The following DSCAM variants were observed in gnomAD, a reference collection of about 807,000 sequenced individuals.
DSCAM encodes the protein DS cell adhesion molecule, also known as cell adhesion molecule DSCAM.
DSCAM carries 47 observed loss-of-function variants against 217.7 expected under a neutral mutation model. That is an observed-to-expected ratio of 0.22 (90% confidence interval 0.17 to 0.28). The LOEUF is 0.28. Among genes scored for constraint, DSCAM ranks in the 10% least tolerant of loss-of-function variants. DSCAM has a pLI of 1.00. For missense variants in DSCAM, 2,080 were observed against 2,618.3 expected (o/e 0.79, Z 4.49); for synonymous variants, 1,056 against 1,015.3 (o/e 1.04, Z -0.76).
At chr21:40,421,679 A>T (rs942673724) in intron 3 of DSCAM, among the ~76,000 whole-genome samples, 8 of 152,258 alleles carry the variant, frequency 5.3e-5, no homozygotes, top group African/African-American at 1.9e-4. Flanking sequence ...AGGAGAGATA[A>T]ACAACAGTAT....
At chr21:40,432,988 TTCTA>T (rs1270280699) in intron 3 of DSCAM, among the ~76,000 whole-genome samples, 4 of 152,176 alleles carry the variant, frequency 2.6e-5, no homozygotes, top group African/African-American at 9.6e-5. Flanking sequence ...TGTAACCATT[TTCTA>T]TCTGTTTCAA....
intron 20 of DSCAM, among the ~76,000 whole-genome samples, chr21:40,112,845 A>C (rs1270241498): frequency 6.6e-6 from 1 of 152,154 alleles, no homozygotes. Context: ...TGACAAATAC[A>C]CCCTCCCAAG....
At chr21:40,756,967 A>T (rs7277880) in intron 1 of DSCAM, among the ~76,000 whole-genome samples, 105,809 of 151,390 alleles carry the variant, frequency 0.7, 37,205 homozygotes, top group Admixed American at 0.76. Context: ...AGATTGCCCA[A>T]CAAATGGTCG....
intron 1 of DSCAM, among the ~76,000 whole-genome samples, chr21:40,722,876 T>C (rs2090916488): frequency 6.6e-6 from 1 of 152,142 alleles, no homozygotes; most frequent in South Asian, 2.1e-4. Flanking sequence ...AGTGATTATA[T>C]TAATATCAAA....
chr21:40,484,844 A>G (rs2076011614), intron 3 of DSCAM, among the ~76,000 whole-genome samples: 1 of 152,162 alleles, frequency 6.6e-6, no homozygotes, highest in Non-Finnish European at 1.5e-5. Context: ...CTAAAATCAA[A>G]TGGTAGATGC....
intron 3 of DSCAM, among the ~76,000 whole-genome samples, chr21:40,391,847 C>T (rs1024438171): frequency 2.0e-5 from 3 of 152,200 alleles, no homozygotes; most frequent in Non-Finnish European, 2.9e-5. Flanking sequence ...ACACAATTTG[C>T]ACAGACTAGG....
At chr21:40,691,921 T>A (rs2146448404) in intron 3 of DSCAM, among the ~76,000 whole-genome samples, 1 of 152,354 alleles carries the variant, frequency 6.6e-6, no homozygotes, top group East Asian at 1.9e-4. Flanking sequence ...GAGGGTTTAG[T>A]TCCAAATTCT....
In DSCAM at chr21:40,155,862, G is replaced by A. The variant is rs76663791; in HGVS notation, c.3019-11131C>T. ...CTTGATGAGAAAAGGCAGGAAAGGA[G>A]GGTGAAGAAGAATCTTCCTTGGAAC... On this transcript the variant is annotated intron_variant, in intron 16 of 32. Transcript: ENST00000400454. Among the ~76,000 whole-genome samples, 55 of 152,036 alleles carry A rather than the reference G, an allele frequency of 3.6e-4. No individual in the cohort carries two copies. In the East Asian group the frequency reaches 0.01, roughly 28 times the overall value.
intron 3 of DSCAM, among the ~76,000 whole-genome samples, chr21:40,556,185 A>G (rs1212756343): frequency 6.6e-6 from 1 of 152,176 alleles, no homozygotes; most frequent in East Asian, 1.9e-4. Flanking sequence ...AGAAGATGAG[A>G]TTCTATGTAT....
chr21:40,187,111 G>T lies in DSCAM; in HGVS notation c.2779+20C>A. 1 of 1,611,162 alleles carries T rather than the reference G, an allele frequency of 6.2e-7. No individual in the cohort carries two copies. The highest frequency in any genetic ancestry group is 8.5e-7 in the Non-Finnish European group (1 of 1,178,768). ...AACTTTCTGAGGTGGAAGGGAAGCT[G>T]GAGGAAGTAAAGAACTTACCTGATT... is the stretch of plus-strand genomic sequence containing the variant. On this transcript the variant is annotated intron_variant, in intron 14 of 32. Transcript: ENST00000400454.
At chr21:40,653,372 C>T (rs2090037986) in intron 3 of DSCAM, among the ~76,000 whole-genome samples, 1 of 152,160 alleles carries the variant, frequency 6.6e-6, no homozygotes, top group Non-Finnish European at 1.5e-5. Context: ...AGAGTTCCTC[C>T]ACCTCTGGAG....
chr21:40,632,165 G>A (rs1307720883), intron 3 of DSCAM, among the ~76,000 whole-genome samples: 3 of 152,152 alleles, frequency 2.0e-5, no homozygotes, highest in Non-Finnish European at 4.4e-5. Flanking sequence ...GCTGACCCCA[G>A]TGCTCAGGGG....
In DSCAM at chr21:40,747,164, G is replaced by T. The variant is rs772222517; in HGVS notation, c.44-38393C>A. On this transcript the variant is annotated intron_variant, in intron 1 of 32. Coordinates refer to ENST00000400454, the MANE Select transcript of DSCAM (RefSeq NM_001389.5). ...TGTCACAACTCAAGAAATTAGAAAA[G>T]AAGGACAAACTGAACCCCAAATTAG... is the stretch of plus-strand genomic sequence containing the variant. Among the ~76,000 whole-genome samples the T allele has an allele frequency of 5.3e-5, 8 of 151,312 alleles. No individual in the cohort carries two copies. The East Asian group carries it at 1.4e-3, about 26-fold the overall frequency.
chr21:40,154,654 G>A (rs574209260), intron 16 of DSCAM, among the ~76,000 whole-genome samples: 7 of 152,252 alleles, frequency 4.6e-5, no homozygotes, highest in South Asian at 4.1e-4. Context: ...GTATGGCCAC[G>A]TGACTGGCTC....
intron 14 of DSCAM, among the ~76,000 whole-genome samples, chr21:40,181,944 C>T (rs1601415741): frequency 6.6e-6 from 1 of 151,752 alleles, no homozygotes; most frequent in Admixed American, 6.6e-5. Context: ...GAGGATGGGG[C>T]AGTTCAGAGT....
chr21:40,480,641 T>G (rs1411789396), intron 3 of DSCAM, among the ~76,000 whole-genome samples: 3 of 152,222 alleles, frequency 2.0e-5, no homozygotes, highest in Non-Finnish European at 2.9e-5. Context: ...TGATAGAAAT[T>G]TGACGCTGTT....
intron 11 of DSCAM, among the ~76,000 whole-genome samples, chr21:40,274,033 C>CT (rs2073654953): frequency 1.3e-5 from 2 of 152,210 alleles, no homozygotes; most frequent in African/African-American, 4.8e-5. Context: ...ATCATACCCT[C>CT]TTCCATGAAC....
chr21:40,533,750 C>T (rs2076473872), intron 3 of DSCAM, among the ~76,000 whole-genome samples: 2 of 149,128 alleles, frequency 1.3e-5, no homozygotes, highest in East Asian at 2.0e-4. Context: ...TCCATCCACC[C>T]ATCCATCCAT....
intron 3 of DSCAM, among the ~76,000 whole-genome samples, chr21:40,638,788 TCAC>T (rs2089840634): frequency 2.0e-5 from 3 of 152,322 alleles, no homozygotes; most frequent in South Asian, 2.1e-4. Flanking sequence ...TGGCAAACTG[TCAC>T]CACATTTATT....
Sources: allele counts gnomAD v4.1 joint callset (sites outside exome capture counted in the v4.1 genomes callset), GRCh38; gene constraint gnomAD v4.1.1; transcripts MANE v1.5; gene names NCBI Gene and HGNC (gene_info 2026-07-23, HGNC 2026-07-21).